The following CLK4 variants were observed in gnomAD, a reference collection of about 807,000 sequenced individuals.
The protein encoded by CLK4 is dual specificity protein kinase CLK4.
Under a neutral mutation model 64.4 loss-of-function variants are expected in CLK4, and 37 were observed. That is an observed-to-expected ratio of 0.57 (90% CI 0.44 to 0.76). The LOEUF is 0.76. CLK4 is among the 30% of genes least tolerant of loss of function. CLK4 has a pLI of 0.00. For missense variants in CLK4, 457 were observed against 605.1 expected, an observed-to-expected ratio of 0.76 and a Z score of 2.57; for synonymous variants, 175 against 191.6, an observed-to-expected ratio of 0.91 and a Z score of 0.72.
intron 2 of CLK4, among the ~76,000 whole-genome samples, chr5:178,621,149 A>G (rs1764701881): frequency 6.6e-6 from 1 of 152,198 alleles, no homozygotes; most frequent in Admixed American, 6.5e-5. Context: ...TTCTCAAAGG[A>G]CGGTCTATTT....
At chr5:178,621,151 G>A (rs1011760279) in intron 2 of CLK4, among the ~76,000 whole-genome samples, 6 of 152,028 alleles carry the variant, frequency 3.9e-5, no homozygotes, top group South Asian at 4.2e-4. Flanking sequence ...CTCAAAGGAC[G>A]GTCTATTTAT....
intron 1 of CLK4, among the ~76,000 whole-genome samples, chr5:178,626,517 G>C (rs934529953): frequency 1.3e-5 from 2 of 152,200 alleles, no homozygotes; most frequent in Admixed American, 1.3e-4. Context: ...GCTTGACTCT[G>C]GAAAACCCCC....
chr5:178,623,085 T>C (rs1562131278), intron 2 of CLK4, 171 bp downstream of exon 2: 6 of 622,878 alleles, frequency 9.6e-6, no homozygotes, highest in South Asian at 4.2e-5. Context: ...CTTTGTTTTA[T>C]TTACAGCTGT....
At chr5:178,620,709 G>T (rs1209382914) in intron 2 of CLK4, 1 of 354,752 alleles carries the variant, frequency 2.8e-6, no homozygotes, top group Non-Finnish European at 5.7e-6. Flanking sequence ...ATAAGGCAAA[G>T]TCCCTGCCAA....
rs531869388 is a variant in CLK4 at position 178,620,770 on chromosome 5, A to G, written c.162-1992T>C. On this transcript the variant is annotated intron_variant, in intron 2 of 12. Transcript: ENST00000316308. Reference sequence around the variant, plus strand: ...TCACATAAAAATGAAACAAAATCCAACAATGTAGGAAATTCTAAAAGGTTA... The same window carrying G: ...TCACATAAAAATGAAACAAAATCCAGCAATGTAGGAAATTCTAAAAGGTTA... The G allele has an allele frequency of 2.6e-4, 71 of 278,326 alleles. 1 individual carries two copies. Among genetic ancestry groups the G allele is most frequent in the South Asian group, 2.1e-3 (68 of 32,292 alleles). 17.2% of individuals were successfully genotyped at this position (278,326 alleles called of 1,614,324 possible). A position where few individuals can be genotyped will look rare whatever the true frequency, so the allele number is the denominator to read the frequency against.
chr5:178,625,668 A>C (rs984976154), intron 1 of CLK4, among the ~76,000 whole-genome samples: 1 of 152,166 alleles, frequency 6.6e-6, no homozygotes, highest in African/African-American at 2.4e-5. Flanking sequence ...TTCTACTGTA[A>C]GTCTGCTTAC....
rs1438049425 is a variant in CLK4 at position 178,613,218 on chromosome 5, G to A, written c.826+255C>T. Among the ~76,000 whole-genome samples, 5 of 152,094 alleles carry A rather than the reference G, an allele frequency of 3.3e-5. No individual in the cohort carries two copies. In the East Asian group the frequency reaches 5.8e-4, roughly 18 times the overall value. On this transcript the variant is annotated intron_variant, in intron 7 of 12. Transcript: ENST00000316308. ...GGGGCAATCACAAGGTCAGGAGATCGAGACCATCCTGGCTAACACTGTGAA... is the reference window on the plus strand; with the variant it reads ...GGGGCAATCACAAGGTCAGGAGATCAAGACCATCCTGGCTAACACTGTGAA...
intron 2 of CLK4, chr5:178,622,938 A>C (rs1375680821): frequency 1.8e-5 from 5 of 276,302 alleles, no homozygotes; most frequent in Non-Finnish European, 3.4e-5. Flanking sequence ...ACTATTACTT[A>C]ACTTTTTGTG....
At chr5:178,613,419 A>G in intron 7 of CLK4, 54 bp downstream of exon 7, 6 of 1,196,206 alleles carry the variant, frequency 5.0e-6, no homozygotes. Context: ...ACTCCGTCTC[A>G]AAATAAATAA....
At position 178,616,990 on chromosome 5, in the gene CLK4, A is replaced by G. The variant is rs747861084; in HGVS notation, c.476-42T>C. 6.9e-6 allele frequency: 9 copies of G among 1,311,256 alleles called. No homozygotes were observed. The South Asian group carries it at 7.1e-5, about 10-fold the overall frequency. The allele number at this position is 1,311,256 out of a possible 1,614,324, so 81.2% of individuals were successfully genotyped here. ...AAAAGAGGTGTAAGTACCTGAGTAC[A>G]AACTGTCTAGTTCTTCAAACAATGA... is the stretch of plus-strand genomic sequence containing the variant. On this transcript the variant is annotated intron_variant, in intron 4 of 12. Transcript: ENST00000316308.
In CLK4 at chr5:178,623,223, G is replaced by A. The variant is rs1218876748; in HGVS notation, c.161+33C>T. On this transcript the variant is annotated intron_variant, in intron 2 of 12. Transcript: ENST00000316308. ...TGACAAATCATTTAAAACTATTAGA[G>A]CTAAAATGCTAGTAGTTCAAGAGTT... 3 of 1,580,776 alleles carry A rather than the reference G, an allele frequency of 1.9e-6. No individual in the cohort carries two copies. The African/African-American group carries it at 4.1e-5, about 21-fold the overall frequency.
At chr5:178,620,623 T>C (rs1241343559) in intron 2 of CLK4, 1 of 456,120 alleles carries the variant, frequency 2.2e-6, no homozygotes, top group Admixed American at 2.4e-5. Flanking sequence ...GCCTTTCAAA[T>C]AGCCAAGACG....
rs1381106454 is a variant in CLK4, at chr5:178,603,100, C to T, written c.*517G>A. ...TGACATCACCCAATGAAAAAGAATACAACACTTAAAATTTAATAGAATTCT... is the reference window on the plus strand; with the variant it reads ...TGACATCACCCAATGAAAAAGAATATAACACTTAAAATTTAATAGAATTCT... On this transcript the variant is annotated 3_prime_UTR_variant, in exon 13 of 13. Coordinates refer to ENST00000316308, the MANE Select transcript of CLK4 (RefSeq NM_020666.3). 1 of 152,564 alleles carries T rather than the reference C, an allele frequency of 6.6e-6. No homozygotes were observed. Among genetic ancestry groups the T allele is most frequent in the Non-Finnish European group, 1.5e-5 (1 of 68,016 alleles). 9.5% of individuals were successfully genotyped at this position (152,564 alleles called of 1,614,324 possible).
chr5:178,618,210 T>C (rs1032452437), intron 3 of CLK4: 1 of 150,946 alleles, frequency 6.6e-6, no homozygotes, highest in Non-Finnish European at 1.5e-5. Context: ...AAAGGGTTTC[T>C]AAGAAAAAAA....
intron 9 of CLK4, among the ~76,000 whole-genome samples, 199 bp from the exon 10 acceptor site, chr5:178,608,657 G>A (rs1764500543): frequency 6.6e-6 from 1 of 152,290 alleles, no homozygotes; most frequent in Non-Finnish European, 1.5e-5. Flanking sequence ...TCAAGACACA[G>A]TATTCTAACT....
intron 11 of CLK4, 51 bp from the exon 12 acceptor site, chr5:178,603,985 C>A: frequency 2.9e-6 from 4 of 1,373,302 alleles, no homozygotes; most frequent in Non-Finnish European, 4.1e-6. Flanking sequence ...AGAGTCGTAT[C>A]TTTACCCTGC....
chr5:178,618,420 A>C (rs1324629533), intron 3 of CLK4, 136 bp downstream of exon 3: 1 of 288,046 alleles, frequency 3.5e-6, no homozygotes, highest in Non-Finnish European at 6.0e-6. Flanking sequence ...TTAAGGATTT[A>C]AGTAATATAA....
chr5:178,614,116 G>C (rs1044368886), intron 5 of CLK4, among the ~76,000 whole-genome samples: 2 of 152,132 alleles, frequency 1.3e-5, no homozygotes, highest in African/African-American at 4.8e-5. Flanking sequence ...AGTTTTAAAA[G>C]ATATATACAA....
rs753533022 is a variant in CLK4 at position 178,612,519 on chromosome 5, G to GT, written c.947dup (p.Asn316LysfsTer8). 1 of 1,613,976 alleles carries GT rather than the reference G, an allele frequency of 6.2e-7. No individual in the cohort carries two copies. Among genetic ancestry groups the GT allele is most frequent in the Non-Finnish European group, 8.5e-7 (1 of 1,179,938 alleles). ...CAAAGTCAACAACTTTGATATCTGT[G>GT]TTTTTCAGTGTGCGTTCATCACGTT... On this transcript the variant is annotated frameshift_variant, in exon 9 of 13. Transcript: ENST00000316308. LOFTEE classifies it high-confidence loss of function.
Sources: allele counts gnomAD v4.1 joint callset (sites outside exome capture counted in the v4.1 genomes callset), GRCh38; gene constraint gnomAD v4.1.1; transcripts MANE v1.5; gene names NCBI Gene and HGNC (gene_info 2026-07-23, HGNC 2026-07-21).